The following ALK variants were observed in gnomAD, a reference collection of about 807,000 sequenced individuals.
ALK encodes the protein ALK receptor tyrosine kinase, also known as ALK tyrosine kinase receptor.
Under a neutral mutation model 163.1 loss-of-function variants are expected in ALK, and 74 were observed. The ratio of observed to expected loss-of-function variants is 0.45; its 90% confidence interval spans 0.38 to 0.55. The LOEUF is 0.55. ALK is among the 20% of genes least tolerant of loss of function. The probability of loss-of-function intolerance (pLI) is 0.00; values close to 1 mark genes in which losing one functional copy is unlikely to be tolerated. For missense variants in ALK, 2,063 were observed against 2,105.3 expected (o/e 0.98, Z 0.39); for synonymous variants, 960 against 843.2 (o/e 1.14, Z -2.40).
intron 8 of ALK, among the ~76,000 whole-genome samples, chr2:29,310,708 C>A (rs993462734): frequency 6.6e-5 from 10 of 152,188 alleles, no homozygotes; most frequent in Admixed American, 5.9e-4. Context: ...AACTGTGGAC[C>A]CTCAGTGTCC....
intron 4 of ALK, among the ~76,000 whole-genome samples, chr2:29,525,649 G>A (rs1672938197): frequency 6.6e-6 from 1 of 151,988 alleles, no homozygotes; most frequent in African/African-American, 2.4e-5. Context: ...AATTAGCCAG[G>A]TGTGGTGGTG....
Position 29,229,069 on chromosome 2 carries a change from G to A in ALK, c.2633-3C>T, listed in dbSNP as rs200341945. The A allele has an allele frequency of 1.3e-5, 21 of 1,613,862 alleles. No individual in the cohort carries two copies. In the African/African-American group the frequency reaches 2.3e-4, roughly 17 times the overall value. On this transcript the variant is annotated splice_region_variant and splice_polypyrimidine_tract_variant and intron_variant, in intron 15 of 28. Transcript: ENST00000389048. ...ATCATTCCAGCCACCTCCACCACCT[G>A]CGGGAAGAGATAGGGAACCTGCGTG...
At position 29,831,241 on chromosome 2, in the gene ALK, A is replaced by AGAAGAG. The variant is rs780649414; in HGVS notation, c.667+88746_667+88751dup. ...AGGAAGAGGAAGAAGAAGAGGAAGAAGAAGAGGAAGAGGAAGAGGAAGAAG... is the reference window on the plus strand; with the variant it reads ...AGGAAGAGGAAGAAGAAGAGGAAGAAGAAGAGGAAGAGGAAGAGGAAGAGGAAGAAG... On this transcript the variant is annotated intron_variant, in intron 1 of 28. Transcript: ENST00000389048. 1.1e-4 allele frequency among the ~76,000 whole-genome samples: 6 copies of AGAAGAG among 52,828 alleles called. 1 individual carries two copies. The highest frequency in any genetic ancestry group is 7.4e-4 in the South Asian group (1 of 1,344). The allele number at this position is 52,828 out of a possible 152,430, so 34.7% of individuals were successfully genotyped here.
chr2:29,828,139 T>G (rs1300521348), intron 1 of ALK, among the ~76,000 whole-genome samples: 1 of 152,222 alleles, frequency 6.6e-6, no homozygotes, highest in Non-Finnish European at 1.5e-5. Context: ...ACTGGATCCC[T>G]TCCTTACACC....
chr2:29,584,363 C>A (rs545096920), intron 3 of ALK, among the ~76,000 whole-genome samples: 1 of 152,288 alleles, frequency 6.6e-6, no homozygotes, highest in East Asian at 1.9e-4. Context: ...GTTGGTTCAT[C>A]TGGATCTTAA....
intron 3 of ALK, among the ~76,000 whole-genome samples, chr2:29,594,094 C>G (rs558080558): frequency 3.3e-5 from 5 of 152,210 alleles, no homozygotes; most frequent in African/African-American, 1.2e-4. Context: ...CCTATAATCA[C>G]AAGGCAGACC....
intron 3 of ALK, among the ~76,000 whole-genome samples, chr2:29,688,164 C>T (rs545432130): frequency 6.6e-6 from 1 of 152,284 alleles, no homozygotes; most frequent in South Asian, 2.1e-4. Context: ...AACACAGGGG[C>T]TAGAGCTGTC....
chr2:29,558,335 A>G (rs190630491), intron 3 of ALK, among the ~76,000 whole-genome samples: 13 of 152,212 alleles, frequency 8.5e-5, no homozygotes, highest in Middle Eastern at 3.4e-3. Context: ...TGGCCCAGTG[A>G]CTTCATTGCC....
intron 3 of ALK, among the ~76,000 whole-genome samples, chr2:29,673,637 C>A (rs1006682386): frequency 1.3e-5 from 2 of 149,990 alleles, no homozygotes; most frequent in African/African-American, 4.9e-5. Context: ...GTTCTTTTGG[C>A]TTAGGATTGA....
chr2:29,466,779 T>G (rs1055306355), intron 4 of ALK, among the ~76,000 whole-genome samples: 1 of 152,234 alleles, frequency 6.6e-6, no homozygotes, highest in Non-Finnish European at 1.5e-5. Flanking sequence ...TGACTAAAAC[T>G]AATAAAATAA....
At chr2:29,455,478 T>C (rs1375824623) in intron 4 of ALK, among the ~76,000 whole-genome samples, 2 of 152,204 alleles carry the variant, frequency 1.3e-5, no homozygotes, top group Admixed American at 1.3e-4. Flanking sequence ...CGCTGTGCCA[T>C]GCTAATTACA....
chr2:29,367,423 A>G (rs2148290674), intron 5 of ALK, among the ~76,000 whole-genome samples: 1 of 152,310 alleles, frequency 6.6e-6, no homozygotes, highest in Middle Eastern at 3.4e-3. Flanking sequence ...TAATCTGTAA[A>G]ATGAGGGAGG....
chr2:29,324,785 C>T (rs1240534483), intron 6 of ALK, among the ~76,000 whole-genome samples: 2 of 152,036 alleles, frequency 1.3e-5, no homozygotes, highest in Non-Finnish European at 2.9e-5. Flanking sequence ...TTGGATTTGG[C>T]GATGTTTAAT....
chr2:29,526,537 G>A (rs1169134422), intron 4 of ALK, among the ~76,000 whole-genome samples: 1 of 152,164 alleles, frequency 6.6e-6, no homozygotes, highest in African/African-American at 2.4e-5. Context: ...TTATTAGTGT[G>A]TTATTCAGAC....
At chr2:29,287,500 A>G (rs1665890311) in intron 9 of ALK, among the ~76,000 whole-genome samples, 1 of 152,208 alleles carries the variant, frequency 6.6e-6, no homozygotes, top group Non-Finnish European at 1.5e-5. Context: ...AAGCCACAGT[A>G]TGATATTACA....
chr2:29,421,794 C>T (rs987429034), intron 4 of ALK, among the ~76,000 whole-genome samples: 5 of 151,666 alleles, frequency 3.3e-5, no homozygotes, highest in African/African-American at 7.3e-5. Flanking sequence ...CTGCCCAGAT[C>T]GCAGCCGCAG....
intron 4 of ALK, among the ~76,000 whole-genome samples, chr2:29,477,217 A>G (rs4467230): frequency 0.51 from 77,041 of 151,860 alleles, 20,568 homozygotes; most frequent in South Asian, 0.62. Flanking sequence ...TGGAAAGGAC[A>G]TCATCATCAC....
intron 5 of ALK, among the ~76,000 whole-genome samples, chr2:29,350,679 T>A (rs1485922388): frequency 6.6e-6 from 1 of 152,184 alleles, no homozygotes; most frequent in African/African-American, 2.4e-5. Context: ...GAGCACCTGC[T>A]CACAGGCAGT....
chr2:29,698,312 A>T (rs1678632489), intron 2 of ALK, among the ~76,000 whole-genome samples: 1 of 152,176 alleles, frequency 6.6e-6, no homozygotes, highest in Non-Finnish European at 1.5e-5. Flanking sequence ...GTGACATAGG[A>T]AGGATTAGCC....
Sources: allele counts gnomAD v4.1 joint callset (sites outside exome capture counted in the v4.1 genomes callset), GRCh38; gene constraint gnomAD v4.1.1; transcripts MANE v1.5; gene names NCBI Gene and HGNC (gene_info 2026-07-23, HGNC 2026-07-21).